The following INPP4B variants were observed in gnomAD, a reference collection of about 807,000 sequenced individuals.
The protein encoded by INPP4B is inositol polyphosphate-4-phosphatase type II B.
A neutral mutation model predicts 122.5 loss-of-function variants in INPP4B; 55 were observed. The ratio of observed to expected loss-of-function variants is 0.45; its 90% CI spans 0.36 to 0.56. The LOEUF (loss-of-function observed/expected upper bound fraction) is 0.56, where lower values mean the gene tolerates loss of function less well. Among genes scored for constraint, INPP4B ranks in the 20% least tolerant of loss-of-function variants. INPP4B has a pLI of 0.00. For synonymous variants in INPP4B, 403 were observed against 388.7 expected (o/e 1.04, Z -0.43); for missense variants, 1,000 against 1,097.7 (o/e 0.91, Z 1.26).
intron 3 of INPP4B, among the ~76,000 whole-genome samples, chr4:142,448,873 T>C (rs937205115): frequency 6.6e-6 from 1 of 152,116 alleles, no homozygotes; most frequent in Admixed American, 6.6e-5. Flanking sequence ...AATTGGCAAA[T>C]TCTGTATTTT....
chr4:142,513,819 G>C (rs1041818474), intron 2 of INPP4B, among the ~76,000 whole-genome samples: 1 of 152,150 alleles, frequency 6.6e-6, no homozygotes, highest in African/African-American at 2.4e-5. Context: ...TGGGGATTAG[G>C]ATTTAAACAT....
chr4:142,235,522 C>T (rs1288111982), intron 12 of INPP4B, among the ~76,000 whole-genome samples: 4 of 152,070 alleles, frequency 2.6e-5, no homozygotes, highest in Non-Finnish European at 4.4e-5. Flanking sequence ...CCCAGGTTCA[C>T]ACCATTCTTC....
At chr4:142,107,627 A>G (rs1340739556) in intron 23 of INPP4B, among the ~76,000 whole-genome samples, 1 of 152,176 alleles carries the variant, frequency 6.6e-6, no homozygotes, top group Non-Finnish European at 1.5e-5. Context: ...CATATATTTA[A>G]TAAGTTAGTT....
intron 14 of INPP4B, among the ~76,000 whole-genome samples, chr4:142,199,904 T>G (rs1360219736): frequency 6.6e-6 from 1 of 152,030 alleles, no homozygotes; most frequent in Non-Finnish European, 1.5e-5. Flanking sequence ...CCCTGGAAAG[T>G]TAGTAAAAAT....
At chr4:142,311,406 T>C (rs558052047) in intron 8 of INPP4B, among the ~76,000 whole-genome samples, 4 of 152,216 alleles carry the variant, frequency 2.6e-5, no homozygotes, top group Non-Finnish European at 5.9e-5. Context: ...TTTTCTACTG[T>C]ATTATTACAG....
chr4:142,392,669 C>T (rs530466222), intron 7 of INPP4B, among the ~76,000 whole-genome samples: 1 of 152,312 alleles, frequency 6.6e-6, no homozygotes, highest in South Asian at 2.1e-4. Flanking sequence ...GTATCCCTCA[C>T]GATAGGCTCT....
At chr4:142,219,978 T>C (rs1441074244) in intron 12 of INPP4B, among the ~76,000 whole-genome samples, 1 of 152,214 alleles carries the variant, frequency 6.6e-6, no homozygotes, top group Non-Finnish European at 1.5e-5. Flanking sequence ...TCAATCGTAC[T>C]AGGTATATTT....
At chr4:142,760,638 GA>G (rs1002141408) in intron 1 of INPP4B, among the ~76,000 whole-genome samples, 1 of 151,530 alleles carries the variant, frequency 6.6e-6, no homozygotes, top group Non-Finnish European at 1.5e-5. Flanking sequence ...ACAGCTAATT[GA>G]AAAAAAAGTG....
chr4:142,268,979 C>T (rs1324567713), intron 10 of INPP4B, among the ~76,000 whole-genome samples: 1 of 152,110 alleles, frequency 6.6e-6, no homozygotes, highest in Non-Finnish European at 1.5e-5. Context: ...TGGGCCCCAA[C>T]TCTTTCAGAA....
chr4:142,061,909 T>C (rs1220527545), intron 25 of INPP4B, among the ~76,000 whole-genome samples: 6 of 3,760 alleles, frequency 1.6e-3, no homozygotes, highest in African/African-American at 2.4e-3. Context: ...TATATATATA[T>C]ATATATATAT....
At chr4:142,628,210 A>C (rs1580548609) in intron 2 of INPP4B, among the ~76,000 whole-genome samples, 1 of 149,124 alleles carries the variant, frequency 6.7e-6, no homozygotes, top group African/African-American at 2.5e-5. Context: ...GCACATATAC[A>C]CCATGGAATA....
chr4:142,323,497 G>C (rs913840747), intron 7 of INPP4B, among the ~76,000 whole-genome samples: 2 of 146,274 alleles, frequency 1.4e-5, no homozygotes, highest in Non-Finnish European at 3.0e-5. Context: ...CCAGGCTGGA[G>C]TGCAGTGGCA....
At chr4:142,672,416 T>C (rs1486933111) in intron 2 of INPP4B, among the ~76,000 whole-genome samples, 5 of 151,778 alleles carry the variant, frequency 3.3e-5, no homozygotes, top group African/African-American at 1.2e-4. Context: ...GTACAGTGGT[T>C]TTTTGGTGGT....
intron 1 of INPP4B, among the ~76,000 whole-genome samples, chr4:142,806,807 G>GAAAGAA (rs1165023212): frequency 7.3e-6 from 1 of 137,830 alleles, no homozygotes; most frequent in Non-Finnish European, 1.6e-5. Flanking sequence ...AAGAAAGAAA[G>GAAAGAA]AAAGAAAGAA....
chr4:142,306,237 T>G (rs1011999761), intron 8 of INPP4B, among the ~76,000 whole-genome samples: 2 of 151,818 alleles, frequency 1.3e-5, no homozygotes, highest in African/African-American at 4.8e-5. Context: ...TTGTTTTTTT[T>G]TTTTTTTTTC....
chr4:142,033,463 T>C (rs990928748), intron 25 of INPP4B, among the ~76,000 whole-genome samples: 5 of 152,064 alleles, frequency 3.3e-5, no homozygotes, highest in African/African-American at 9.7e-5. Context: ...AGCAAGCCAA[T>C]GCCTGGTTGG....
At chr4:142,540,444 A>G (rs1050521429) in intron 2 of INPP4B, among the ~76,000 whole-genome samples, 2 of 152,022 alleles carry the variant, frequency 1.3e-5, no homozygotes, top group Non-Finnish European at 2.9e-5. Context: ...GTGTGTGAAG[A>G]TGCTGAACCT....
chr4:142,256,714 T>C (rs979992238), intron 11 of INPP4B, among the ~76,000 whole-genome samples: 7 of 152,166 alleles, frequency 4.6e-5, no homozygotes, highest in Admixed American at 3.3e-4. Context: ...CAATAATCAA[T>C]AGCTTACCAA....
intron 7 of INPP4B, among the ~76,000 whole-genome samples, chr4:142,345,379 C>G (rs116071389): frequency 1.3e-5 from 2 of 151,626 alleles, no homozygotes; most frequent in African/African-American, 4.8e-5. Context: ...AAATTAAGAC[C>G]ACGGGGAAAA....
Sources: gnomAD v4.1 joint callset for allele counts (sites outside exome capture counted in the v4.1 genomes callset) on GRCh38, gnomAD v4.1.1 for gene constraint, MANE v1.5 for transcripts, NCBI Gene and HGNC (gene_info 2026-07-23, HGNC 2026-07-21) for gene names.